Variants in APBB2 observed in about 807,000 individuals in gnomAD.
APBB2 encodes the protein Fe65-like 1.
APBB2 carries 38 observed loss-of-function variants against 82.5 expected under a neutral mutation model. The ratio of observed to expected loss-of-function variants is 0.46; its 90% CI spans 0.36 to 0.60. The LOEUF (loss-of-function observed/expected upper bound fraction) is 0.60. APBB2 is among the 20% of genes least tolerant of loss of function. The pLI is 0.00. For synonymous variants in APBB2, 341 were observed against 368.2 expected (o/e 0.93, Z 0.85); for missense variants, 772 against 972.3 (o/e 0.79, Z 2.74).
chr4:41,163,049 G>A (rs1466132918), intron 1 of APBB2, among the ~76,000 whole-genome samples: 1 of 152,128 alleles, frequency 6.6e-6, no homozygotes. Context: ...TACTTAAGAG[G>A]ACTCTAGAAG....
intron 12 of APBB2, chr4:40,881,156 G>T: frequency 1.0e-6 from 1 of 985,416 alleles, no homozygotes. Context: ...AAATCGTGAT[G>T]CCTCTGCTTA....
chr4:40,889,634 TA>T (rs1272338333), intron 12 of APBB2, among the ~76,000 whole-genome samples: 1 of 152,234 alleles, frequency 6.6e-6, no homozygotes, highest in Non-Finnish European at 1.5e-5. Context: ...GTAGACCAAT[TA>T]CTTAACAATG....
chr4:41,194,547 G>A, intron 1 of APBB2, among the ~76,000 whole-genome samples: 1 of 152,192 alleles, frequency 6.6e-6, no homozygotes, highest in African/African-American at 2.4e-5. Flanking sequence ...GCCGGGCATG[G>A]TGGCAGGCGC....
At chr4:41,075,894 A>G (rs1385237165) in intron 3 of APBB2, among the ~76,000 whole-genome samples, 2 of 152,232 alleles carry the variant, frequency 1.3e-5, no homozygotes, top group East Asian at 3.8e-4. Context: ...AGAGTGATCA[A>G]ATGAACTCTT....
At chr4:41,052,775 T>TC (rs1726487101) in intron 4 of APBB2, among the ~76,000 whole-genome samples, 1 of 124,302 alleles carries the variant, frequency 8.0e-6, no homozygotes. Flanking sequence ...TCTTTCTTCT[T>TC]TTTTTTTTTT....
At chr4:40,974,570 CT>C (rs1433148011) in intron 6 of APBB2, among the ~76,000 whole-genome samples, 1 of 152,218 alleles carries the variant, frequency 6.6e-6, no homozygotes, top group Non-Finnish European at 1.5e-5. Context: ...TGCCTAACCA[CT>C]TCTCTGTTAT....
chr4:41,193,513 T>C, intron 1 of APBB2: 3 of 973,112 alleles, frequency 3.1e-6, no homozygotes, highest in Non-Finnish European at 2.4e-6. Context: ...CCCTAGACCA[T>C]GGTACTCCCA....
At chr4:40,940,526 G>C (rs1361460362) in intron 7 of APBB2, among the ~76,000 whole-genome samples, 1 of 152,180 alleles carries the variant, frequency 6.6e-6, no homozygotes, top group African/African-American at 2.4e-5. Context: ...TCAGAAAAAT[G>C]ACGGCAGAAC....
chr4:40,860,400 A>G (rs1377740476), intron 12 of APBB2, among the ~76,000 whole-genome samples: 2 of 152,192 alleles, frequency 1.3e-5, no homozygotes, highest in Non-Finnish European at 2.9e-5. Context: ...CCTGGACACC[A>G]AGGCTTGGAT....
chr4:40,847,282 C>A (rs1229316311), intron 12 of APBB2, among the ~76,000 whole-genome samples: 1 of 151,954 alleles, frequency 6.6e-6, no homozygotes, highest in Non-Finnish European at 1.5e-5. Context: ...GCCAACATGA[C>A]GAAACCCTGT....
At chr4:40,842,318 C>G (rs1756090299) in intron 12 of APBB2, 1 of 445,358 alleles carries the variant, frequency 2.2e-6, no homozygotes, top group African/African-American at 2.0e-5. Context: ...TGAGCTTTGC[C>G]AGACACGTTA....
intron 5 of APBB2, among the ~76,000 whole-genome samples, chr4:41,025,825 C>T (rs1475787422): frequency 6.8e-6 from 1 of 146,236 alleles, no homozygotes; most frequent in Non-Finnish European, 1.5e-5. Context: ...AGGCTGATGG[C>T]CGGAGAATCT....
chr4:40,856,400 A>G (rs941085884), intron 12 of APBB2, among the ~76,000 whole-genome samples: 2 of 152,158 alleles, frequency 1.3e-5, no homozygotes, highest in Non-Finnish European at 2.9e-5. Flanking sequence ...CAAAAACACT[A>G]CTTCTTTCTC....
At chr4:41,131,468 T>C (rs1755949391) in intron 2 of APBB2, among the ~76,000 whole-genome samples, 2 of 152,204 alleles carry the variant, frequency 1.3e-5, no homozygotes, top group African/African-American at 2.4e-5. Flanking sequence ...CACATACATA[T>C]ACATACATAG....
chr4:40,820,196 C>T (rs1747354985), intron 17 of APBB2, among the ~76,000 whole-genome samples: 1 of 152,226 alleles, frequency 6.6e-6, no homozygotes, highest in Non-Finnish European at 1.5e-5. Flanking sequence ...CAGCTCGGTG[C>T]TTCTCAAAGC....
chr4:40,902,141 C>T (rs1042879522), intron 10 of APBB2, among the ~76,000 whole-genome samples: 4 of 152,136 alleles, frequency 2.6e-5, no homozygotes, highest in African/African-American at 9.7e-5. Context: ...AATCTGGTTT[C>T]CTTACACATC....
chr4:41,043,280 G>A (rs984452367), intron 4 of APBB2, among the ~76,000 whole-genome samples: 1 of 152,120 alleles, frequency 6.6e-6, no homozygotes, highest in African/African-American at 2.4e-5. Context: ...ATTAAATAAA[G>A]GATCACATCC....
intron 3 of APBB2, among the ~76,000 whole-genome samples, chr4:41,086,794 T>C (rs994543174): frequency 1.8e-4 from 28 of 152,046 alleles, no homozygotes; most frequent in African/African-American, 6.8e-4. Context: ...CTTATCAACA[T>C]AGTAGTAGAA....
At chr4:40,825,821 G>T in intron 15 of APBB2, 66 bp downstream of exon 15, 2 of 1,294,126 alleles carry the variant, frequency 1.5e-6, no homozygotes, top group South Asian at 1.2e-5. Flanking sequence ...CCTCCTCGGA[G>T]GGCGAACGCC....
Sources: allele counts gnomAD v4.1 joint callset (sites outside exome capture counted in the v4.1 genomes callset), GRCh38; gene constraint gnomAD v4.1.1; transcripts MANE v1.5; gene names NCBI Gene and HGNC (gene_info 2026-07-23, HGNC 2026-07-21).